Variants in SLC51B observed in about 807,000 individuals in gnomAD.
SLC51B encodes organic solute transporter subunit beta.
Under a neutral mutation model 8.0 loss-of-function variants are expected in SLC51B, and 6 were observed. That is an observed-to-expected ratio of 0.75 (90% CI 0.41 to 1.48). SLC51B has a LOEUF of 1.48. Among genes scored for constraint, SLC51B ranks in the 40% most tolerant of loss-of-function variants. The pLI is 0.01. For synonymous variants in SLC51B, 61 were observed against 54.8 expected, an observed-to-expected ratio of 1.11 and a Z score of -0.50; for missense variants, 150 against 149.7, an observed-to-expected ratio of 1.00 and a Z score of -0.01.
intron 2 of SLC51B, among the ~76,000 whole-genome samples, chr15:65,050,830 C>CTTTTTTTTT (rs1206139825): frequency 2.1e-5 from 1 of 48,538 alleles, no homozygotes; most frequent in African/African-American, 5.3e-5. Flanking sequence ...CTTTCTTCTT[C>CTTTTTTTTT]TTCTTCTTTT....
In SLC51B at chr15:65,047,795, TGATAGATAGATA is replaced by T. The variant is rs72192523; in HGVS notation, c.-108-2071_-108-2060del. On this transcript the variant is annotated intron_variant, in intron 1 of 3. Transcript: ENST00000334287. ...ATAGATAGACAGATAGATCGATAGA[TGATAGATAGATA>T]GATAGATAGATAGATAGATAGATAG... Among the ~76,000 whole-genome samples the T allele has an allele frequency of 9.5e-3, 1,424 of 149,936 alleles. 7 individuals are homozygous for T. Among genetic ancestry groups the T allele is most frequent in the South Asian group, 0.016 (76 of 4,684 alleles).
chr15:65,047,763 CAGAT>C (rs373238904), intron 1 of SLC51B, among the ~76,000 whole-genome samples: 191 of 150,138 alleles, frequency 1.3e-3, no homozygotes, highest in South Asian at 5.3e-3. Context: ...GGTAGGTAGG[CAGAT>C]AGATAGATAG....
Position 65,047,071 on chromosome 15 carries a change from C to G in SLC51B, c.-109+1489C>G, listed in dbSNP as rs2086585556. ...TAATACCTACATTTAAAAATGCATA[C>G]AAAGGCTGGGTGCAGTGGCTCACAC... is the stretch of plus-strand genomic sequence containing the variant. On this transcript the variant is annotated intron_variant, in intron 1 of 3. Transcript: ENST00000334287. 2.0e-5 allele frequency among the ~76,000 whole-genome samples: 3 copies of G among 151,962 alleles called. 1 individual carries two copies. The South Asian group carries it at 6.2e-4, about 32-fold the overall frequency.
chr15:65,053,141 G>T lies in SLC51B; in HGVS notation c.364G>T (p.Asp122Tyr). 6.2e-7 allele frequency: 1 copy of T among 1,614,048 alleles called. No homozygotes were observed. Among genetic ancestry groups the T allele is most frequent in the Non-Finnish European group, 8.5e-7 (1 of 1,180,032 alleles). The change falls in exon 4 of 4, where the codon GAT becomes TAT. Residue 122 changes from aspartate (D) to tyrosine (Y), a missense_variant. By Grantham distance (160) the Asp-to-Tyr change is radical (BLOSUM62 -3). Transcript: ENST00000334287. Reference protein sequence around the residue: ...ERDVLSVFLPDVPETES With the variant: ...ERDVLSVFLPYVPETES ...AGATGTGCTGTCAGTTTTCCTTCCG[G>T]ATGTACCAGAAACTGAGAGCTAGTG...
intron 1 of SLC51B, among the ~76,000 whole-genome samples, chr15:65,048,777 G>C (rs574200586): frequency 7.1e-4 from 108 of 152,300 alleles, no homozygotes; most frequent in African/African-American, 2.5e-3. Flanking sequence ...GGGAGGCCAA[G>C]GCGGGTGGAT....
At position 65,050,096 on chromosome 15, in the gene SLC51B, A is replaced by C. The variant is rs2086629760; in HGVS notation, c.92A>C (p.Glu31Ala). ...LEEMLWFFRVEDASPWNHSIL... is the reference protein window; with the variant it reads ...LEEMLWFFRVADASPWNHSIL... ...GAGATGCTTTGGTTTTTTCGTGTGG[A>C]AGATGGTAAGTGGTGAGAGATTGAC... Residue 31 changes from glutamate to alanine, a missense_variant, in exon 2 of 4, where the codon GAA becomes GCA. Physicochemically the swap from Glu to Ala is moderately radical, Grantham distance 107. Coordinates refer to ENST00000334287, the MANE Select transcript of SLC51B (RefSeq NM_178859.4). 10 of 1,551,286 alleles carry C rather than the reference A, an allele frequency of 6.4e-6. No individual in the cohort carries two copies. The highest frequency in any genetic ancestry group is 8.7e-6 in the Non-Finnish European group (10 of 1,146,734).
At chr15:65,051,853 G>C (rs1194141539) in intron 3 of SLC51B, among the ~76,000 whole-genome samples, 3 of 152,174 alleles carry the variant, frequency 2.0e-5, no homozygotes, top group African/African-American at 7.2e-5. Flanking sequence ...ATGACCTGGA[G>C]GAGTGTAGCC....
In SLC51B at chr15:65,053,356, C is replaced by A. The variant is rs558979499; in HGVS notation, c.*192C>A. On this transcript the variant is annotated 3_prime_UTR_variant, in exon 4 of 4. Transcript: ENST00000334287. ...CTAAAATTCTGTTATTAAAAAAAAT[C>A]TTTTATTAAAATGCTCCTGGAAGGG... 26 of 1,410,308 alleles carry A rather than the reference C, an allele frequency of 1.8e-5. No individual in the cohort carries two copies. The highest frequency in any genetic ancestry group is 1.0e-4 in the East Asian group (4 of 38,146). The allele number at this position is 1,410,308 out of a possible 1,614,324, so 87.4% of individuals were successfully genotyped here. A position where few individuals can be genotyped will look rare whatever the true frequency, so the allele number is the denominator to read the frequency against.
chr15:65,051,968 C>T (rs1271177543), intron 3 of SLC51B, among the ~76,000 whole-genome samples: 1 of 152,158 alleles, frequency 6.6e-6, no homozygotes, highest in African/African-American at 2.4e-5. Flanking sequence ...GACCTGTTCC[C>T]CCTACGACCC....
chr15:65,049,417 C>A (rs113301016), intron 1 of SLC51B: 1 of 152,136 alleles, frequency 6.6e-6, no homozygotes, highest in Admixed American at 6.5e-5. Flanking sequence ...CCTTTCCCTC[C>A]GGCACTTTTC....
At chr15:65,052,857 C>T in intron 3 of SLC51B, 109 bp from the exon 4 acceptor site, 1 of 984,894 alleles carries the variant, frequency 1.0e-6, no homozygotes, top group Non-Finnish European at 1.5e-6. Flanking sequence ...CTAGTAGCTC[C>T]CAAACTGCAT....
intron 2 of SLC51B, 66 bp from the exon 3 acceptor site, chr15:65,051,449 G>A: frequency 6.7e-7 from 1 of 1,489,534 alleles, no homozygotes; most frequent in Non-Finnish European, 9.4e-7. Flanking sequence ...CCAGGCCCCA[G>A]CTGTTAGCGG....
chr15:65,047,759 T>A (rs2086594887), intron 1 of SLC51B, among the ~76,000 whole-genome samples: 1 of 150,940 alleles, frequency 6.6e-6, no homozygotes, highest in Non-Finnish European at 1.5e-5. Flanking sequence ...GATGGGTAGG[T>A]AGGCAGATAG....
chr15:65,050,853 T>TTTG (rs2086643910), intron 2 of SLC51B, among the ~76,000 whole-genome samples: 1 of 144,208 alleles, frequency 6.9e-6, no homozygotes, highest in South Asian at 2.2e-4. Flanking sequence ...TTTTTTTTTT[T>TTTG]GCCTTTTTTT....
intron 1 of SLC51B, among the ~76,000 whole-genome samples, chr15:65,048,391 G>C (rs2086604746): frequency 6.6e-6 from 1 of 152,162 alleles, no homozygotes. Flanking sequence ...CTGATGTAAA[G>C]CTAGTCCTTT....
At chr15:65,052,917 G>T (rs777532298) in intron 3 of SLC51B, 49 bp from the exon 4 acceptor site, 10 of 1,587,310 alleles carry the variant, frequency 6.3e-6, no homozygotes, top group African/African-American at 4.1e-5. Flanking sequence ...ACCCAGTCCT[G>T]CCCCAACCAC....
intron 2 of SLC51B, 133 bp downstream of exon 2, chr15:65,050,234 G>A (rs1566950673): frequency 2.8e-6 from 2 of 724,208 alleles, no homozygotes; most frequent in South Asian, 3.6e-5. Flanking sequence ...GGAATCAGTC[G>A]GGGTGTCTCA....
At chr15:65,051,767 A>AAAACAAAC (rs58082384) in intron 3 of SLC51B, among the ~76,000 whole-genome samples, 162 bp downstream of exon 3, 3,745 of 150,452 alleles carry the variant, frequency 0.025, 142 homozygotes, top group African/African-American at 0.071. Flanking sequence ...CAAGCTGTTA[A>AAAACAAAC]AAACAAACAA....
At chr15:65,052,943 A>T in intron 3 of SLC51B, 23 bp from the exon 4 acceptor site, 1 of 858,448 alleles carries the variant, frequency 1.2e-6, no homozygotes, top group Non-Finnish European at 1.8e-6. Context: ...CCCCCTCATT[A>T]ACACTGTTCC....
Sources: gnomAD v4.1 joint callset for allele counts (sites outside exome capture counted in the v4.1 genomes callset) on GRCh38, gnomAD v4.1.1 for gene constraint, MANE v1.5 for transcripts, NCBI Gene and HGNC (gene_info 2026-07-23, HGNC 2026-07-21) for gene names.